Variants in RABEP1 observed in about 807,000 individuals in gnomAD.
RABEP1 encodes rab GTPase-binding effector protein 1.
Under a neutral mutation model 123.4 loss-of-function variants are expected in RABEP1, and 51 were observed. That is an observed-to-expected ratio of 0.41 (90% CI 0.33 to 0.52). RABEP1 has a LOEUF of 0.52. RABEP1 is among the 20% of genes least tolerant of loss of function. The probability of loss-of-function intolerance (pLI) is 0.16; values close to 1 mark genes in which losing one functional copy is unlikely to be tolerated. For missense variants in RABEP1, 888 were observed against 996.3 expected (o/e 0.89, Z 1.46); for synonymous variants, 347 against 355.2 (o/e 0.98, Z 0.26).
At chr17:5,309,251 CTTGTG>C (rs1284725676) in intron 2 of RABEP1, among the ~76,000 whole-genome samples, 1 of 152,252 alleles carries the variant, frequency 6.6e-6, no homozygotes, top group African/African-American at 2.4e-5. Context: ...AGACATTATA[CTTGTG>C]TTGGGTATAC....
At chr17:5,371,347 A>G in intron 12 of RABEP1, 1 of 152,228 alleles carries the variant, frequency 6.6e-6, no homozygotes, top group Non-Finnish European at 1.5e-5. Flanking sequence ...TTCATAATCA[A>G]AAGTATAAAA....
chr17:5,379,442 T>C (rs1053642471), intron 15 of RABEP1, among the ~76,000 whole-genome samples: 1 of 152,076 alleles, frequency 6.6e-6, no homozygotes. Context: ...AAGGAAAAAG[T>C]CTGTCTTTGG....
rs1414010462 is a variant in RABEP1 at position 5,380,473 on chromosome 17, C to T, written c.2370+11C>T. 23 of 1,504,008 alleles carry T rather than the reference C, an allele frequency of 1.5e-5. No homozygotes were observed. The highest frequency in any genetic ancestry group is 2.1e-5 in the Non-Finnish European group (23 of 1,104,010). The allele number at this position is 1,504,008 out of a possible 1,614,324, so 93.2% of individuals were successfully genotyped here. Reference sequence around the variant, plus strand: ...GAGACTGCTGCTAAGGTAGTGTTTTCATTAGTCATTTAATTTTAAAAAGCA... The same window carrying T: ...GAGACTGCTGCTAAGGTAGTGTTTTTATTAGTCATTTAATTTTAAAAAGCA... On this transcript the variant is annotated intron_variant, in intron 16 of 17. Transcript: ENST00000537505.
At chr17:5,323,673 T>G (rs1008455990) in intron 2 of RABEP1, among the ~76,000 whole-genome samples, 1 of 116,740 alleles carries the variant, frequency 8.6e-6, no homozygotes, top group Non-Finnish European at 1.7e-5. Flanking sequence ...TTTCTTTCAT[T>G]GGTGATATAT....
At chr17:5,299,245 CA>C (rs2075110863) in intron 1 of RABEP1, among the ~76,000 whole-genome samples, 1 of 152,074 alleles carries the variant, frequency 6.6e-6, no homozygotes, top group East Asian at 1.9e-4. Flanking sequence ...CCTTAACAGA[CA>C]AGATGTTCCA....
At chr17:5,343,359 G>C (rs1907780343) in intron 5 of RABEP1, among the ~76,000 whole-genome samples, 1 of 152,132 alleles carries the variant, frequency 6.6e-6, no homozygotes, top group South Asian at 2.1e-4. Context: ...TTCAAGACCA[G>C]CCAGCACAAC....
At position 5,304,266 on chromosome 17, in the gene RABEP1, T is replaced by C. The variant is rs79341582; in HGVS notation, c.35-4428T>C. Reference sequence around the variant, plus strand: ...TGAGTGACATAGTCATTTTTCCCTTTGGATGTCAAGCATTATAAGTAGCCA... The same window carrying C: ...TGAGTGACATAGTCATTTTTCCCTTCGGATGTCAAGCATTATAAGTAGCCA... On this transcript the variant is annotated intron_variant, in intron 1 of 17. Transcript: ENST00000537505. Among the ~76,000 whole-genome samples the C allele has an allele frequency of 6.6e-3, 1,001 of 152,202 alleles. 8 individuals are homozygous for C. Among genetic ancestry groups the C allele is most frequent in the Non-Finnish European group, 0.011 (731 of 67,990 alleles).
At chr17:5,291,745 A>G (rs905463917) in intron 1 of RABEP1, among the ~76,000 whole-genome samples, 9 of 152,116 alleles carry the variant, frequency 5.9e-5, no homozygotes, top group African/African-American at 2.2e-4. Flanking sequence ...CGTTTCTACT[A>G]AAAATACAAA....
At chr17:5,371,456 G>C (rs907709760) in intron 12 of RABEP1, 1 of 151,948 alleles carries the variant, frequency 6.6e-6, no homozygotes, top group Non-Finnish European at 1.5e-5. Flanking sequence ...TTATCCTTCT[G>C]TTTTTCTCTT....
chr17:5,339,141 C>T (rs1304062287), intron 5 of RABEP1, among the ~76,000 whole-genome samples: 1 of 151,538 alleles, frequency 6.6e-6, no homozygotes, highest in Non-Finnish European at 1.5e-5. Flanking sequence ...GAGACCCTGT[C>T]CCCCACACCC....
chr17:5,381,548 T>A, intron 17 of RABEP1, 43 bp downstream of exon 17: 1 of 1,592,192 alleles, frequency 6.3e-7, no homozygotes. Flanking sequence ...GAAGGCAGTT[T>A]TGGGGGACAG....
intron 13 of RABEP1, among the ~76,000 whole-genome samples, chr17:5,374,671 GCT>G (rs1333260080): frequency 6.8e-6 from 1 of 147,398 alleles, no homozygotes; most frequent in East Asian, 2.0e-4. Flanking sequence ...ATGGAGTCTT[GCT>G]CTGTCACCCA....
chr17:5,380,302 T>C lies in RABEP1; in HGVS notation c.2272-62T>C, dbSNP rs763798523. ...TAATTCTCCAGGCTCTAGGCTCTTTTAGGTAGTGCACTGGGGCCCAGAGGG... is the reference window on the plus strand; with the variant it reads ...TAATTCTCCAGGCTCTAGGCTCTTTCAGGTAGTGCACTGGGGCCCAGAGGG... On this transcript the variant is annotated intron_variant, in intron 15 of 17. Coordinates refer to ENST00000537505, the MANE Select transcript of RABEP1 (RefSeq NM_004703.6). The C allele has an allele frequency of 1.6e-4, 185 of 1,136,700 alleles. 1 individual carries two copies. The highest frequency in any genetic ancestry group is 2.0e-4 in the Non-Finnish European group (160 of 795,016). The allele number at this position is 1,136,700 out of a possible 1,614,324, so 70.4% of individuals were successfully genotyped here.
intron 2 of RABEP1, among the ~76,000 whole-genome samples, chr17:5,324,010 C>G (rs991239831): frequency 2.0e-4 from 31 of 151,744 alleles, no homozygotes; most frequent in African/African-American, 7.2e-4. Context: ...AATGACAATA[C>G]TATCCAAAGC....
At chr17:5,367,249 C>T (rs903535309) in intron 11 of RABEP1, among the ~76,000 whole-genome samples, 1 of 149,778 alleles carries the variant, frequency 6.7e-6, no homozygotes, top group African/African-American at 2.5e-5. Context: ...CTTAGATACA[C>T]ACACACACAC....
intron 2 of RABEP1, among the ~76,000 whole-genome samples, chr17:5,313,051 A>G (rs1188431797): frequency 1.3e-5 from 2 of 152,340 alleles, no homozygotes; most frequent in Admixed American, 6.5e-5. Flanking sequence ...CAGAAGTTGC[A>G]GTGAGCCAAG....
chr17:5,336,494 A>G (rs1193402791), intron 4 of RABEP1: 7 of 472,678 alleles, frequency 1.5e-5, no homozygotes, highest in Admixed American at 1.2e-4. Context: ...CTAGGATCCC[A>G]TCCAGGATAC....
intron 7 of RABEP1, among the ~76,000 whole-genome samples, chr17:5,352,849 C>CA (rs1393715847): frequency 6.6e-6 from 1 of 151,980 alleles, no homozygotes; most frequent in Admixed American, 6.6e-5. Flanking sequence ...AAAACAAAAA[C>CA]AAAGAGTCTA....
At chr17:5,330,244 C>G (rs1416773075) in intron 2 of RABEP1, among the ~76,000 whole-genome samples, 1 of 152,198 alleles carries the variant, frequency 6.6e-6, no homozygotes, top group African/African-American at 2.4e-5. Context: ...TCCCAGGTGT[C>G]TGTCTTTAAG....
Sources: gnomAD v4.1 joint callset for allele counts (sites outside exome capture counted in the v4.1 genomes callset) on GRCh38, gnomAD v4.1.1 for gene constraint, MANE v1.5 for transcripts, NCBI Gene and HGNC (gene_info 2026-07-23, HGNC 2026-07-21) for gene names.